VPS13D: variants seen among roughly 807,000 people sequenced by gnomAD.
VPS13D encodes the protein intermembrane lipid transfer protein VPS13D.
A neutral mutation model predicts 461.9 loss-of-function variants in VPS13D; 187 were observed. The ratio of observed to expected loss-of-function variants is 0.40; its 90% CI spans 0.36 to 0.46. The LOEUF (loss-of-function observed/expected upper bound fraction) is 0.46, where lower values mean the gene tolerates loss of function less well. Among genes scored for constraint, VPS13D ranks in the 20% least tolerant of loss-of-function variants. VPS13D has a pLI of 0.60. For synonymous variants in VPS13D, 1,951 were observed against 1,986.3 expected (o/e 0.98, Z 0.47); for missense variants, 4,711 against 5,364.9 (o/e 0.88, Z 3.81).
chr1:12,442,174 CTT>C (rs1330776553), intron 65 of VPS13D, among the ~76,000 whole-genome samples: 4 of 152,134 alleles, frequency 2.6e-5, no homozygotes, highest in African/African-American at 9.6e-5. Context: ...TAGAAATTCT[CTT>C]GTCAGATTAA....
chr1:12,471,190 A>C (rs1645558067), intron 67 of VPS13D, among the ~76,000 whole-genome samples: 1 of 152,146 alleles, frequency 6.6e-6, no homozygotes, highest in African/African-American at 2.4e-5. Flanking sequence ...AGTCCCAGCT[A>C]CTCAGGAGGC....
intron 67 of VPS13D, among the ~76,000 whole-genome samples, chr1:12,471,241 C>T (rs1373526993): frequency 6.6e-6 from 1 of 152,146 alleles, no homozygotes; most frequent in Admixed American, 6.5e-5. Context: ...GCAGAGGTTG[C>T]AGTGAGCCGA....
intron 1 of VPS13D, among the ~76,000 whole-genome samples, chr1:12,233,032 G>A (rs1054049134): frequency 1.6e-4 from 24 of 147,212 alleles, no homozygotes; most frequent in Non-Finnish European, 2.5e-4. Context: ...TTGAGATGGA[G>A]TCTCACTCTG....
intron 67 of VPS13D, among the ~76,000 whole-genome samples, chr1:12,482,082 G>A (rs973963923): frequency 1.3e-5 from 2 of 152,332 alleles, no homozygotes; most frequent in South Asian, 2.1e-4. Flanking sequence ...AAGCAAGACC[G>A]TGCTGGAGAA....
intron 2 of VPS13D, among the ~76,000 whole-genome samples, 200 bp downstream of exon 2, chr1:12,234,563 A>G (rs961071196): frequency 6.6e-6 from 1 of 152,224 alleles, no homozygotes; most frequent in Non-Finnish European, 1.5e-5. Flanking sequence ...TTAAGGAACT[A>G]TTAAATATTA....
At position 12,293,587 on chromosome 1, in the gene VPS13D, C is replaced by G; in HGVS notation, c.5916C>G (p.Ala1972=). 6.2e-7 allele frequency: 1 copy of G among 1,614,158 alleles called. No individual in the cohort carries two copies. Among genetic ancestry groups the G allele is most frequent in the Non-Finnish European group, 8.5e-7 (1 of 1,180,004 alleles). The change falls in exon 24 of 70, where the codon GCC becomes GCG. Residue 1972 remains alanine, a synonymous_variant. Coordinates refer to ENST00000620676, the MANE Select transcript of VPS13D (RefSeq NM_015378.4). ...ACATTCGCGTGAGCCTCCGGATGGC[C>G]TCTGTGCAGTATGTGCATACTCAGC... ...EHDIRVSLRM[A]SVQYVHTQRF...
At chr1:12,435,729 T>C (rs910537909) in intron 65 of VPS13D, among the ~76,000 whole-genome samples, 1 of 151,504 alleles carries the variant, frequency 6.6e-6, no homozygotes, top group East Asian at 1.9e-4. Flanking sequence ...TAGGCTTCAT[T>C]CTCGAACCTC....
At chr1:12,292,202 T>C (rs557774175) in intron 23 of VPS13D, among the ~76,000 whole-genome samples, 249 of 130,192 alleles carry the variant, frequency 1.9e-3, no homozygotes, top group African/African-American at 6.8e-3. Flanking sequence ...GAGGTTGCAG[T>C]GAGCCGGGAT....
At chr1:12,243,653 A>G (rs186257778) in intron 3 of VPS13D, among the ~76,000 whole-genome samples, 176 of 152,282 alleles carry the variant, frequency 1.2e-3, no homozygotes, top group African/African-American at 4.1e-3. Flanking sequence ...CTTGTATTCT[A>G]GGAGGCTTGG....
chr1:12,433,925 AGAGAGT>A (rs1042217359), intron 65 of VPS13D, among the ~76,000 whole-genome samples: 1 of 150,200 alleles, frequency 6.7e-6, no homozygotes, highest in Non-Finnish European at 1.5e-5. Context: ...GGGGAGAGAG[AGAGAGT>A]GAGAGAGAGA....
chr1:12,453,805 G>A (rs755204425), intron 65 of VPS13D: 2 of 152,186 alleles, frequency 1.3e-5, no homozygotes, highest in Non-Finnish European at 2.9e-5. Flanking sequence ...CTCAGAGGAA[G>A]TATTTAGTAA....
intron 2 of VPS13D, among the ~76,000 whole-genome samples, chr1:12,236,173 A>G (rs1399831849): frequency 2.6e-5 from 4 of 152,100 alleles, no homozygotes; most frequent in African/African-American, 9.7e-5. Context: ...CGCAGGGTAG[A>G]ACAATGCTTT....
chr1:12,448,609 G>T (rs1010860448), intron 65 of VPS13D, among the ~76,000 whole-genome samples: 7 of 152,130 alleles, frequency 4.6e-5, no homozygotes, highest in African/African-American at 1.7e-4. Context: ...TGGGCTTCAG[G>T]ATTCATCCTT....
chr1:12,412,866 C>T (rs1307346427), intron 63 of VPS13D, among the ~76,000 whole-genome samples: 7 of 152,046 alleles, frequency 4.6e-5, no homozygotes, highest in African/African-American at 1.7e-4. Context: ...TAAGATAAGT[C>T]ACAGAATGGA....
chr1:12,477,669 G>A (rs1437692965), intron 67 of VPS13D, among the ~76,000 whole-genome samples: 4 of 152,140 alleles, frequency 2.6e-5, no homozygotes, highest in Admixed American at 2.6e-4. Context: ...TAATGCTTGG[G>A]ACCTTCTCCT....
At chr1:12,506,819 G>A (rs778411622) in intron 68 of VPS13D, 34 bp from the exon 69 acceptor site, 74 of 1,604,168 alleles carry the variant, frequency 4.6e-5, no homozygotes, top group Non-Finnish European at 6.1e-5. Context: ...CGAAGCCCCA[G>A]GTGTCACTCC....
At chr1:12,247,191 G>A (rs572925285) in intron 5 of VPS13D, among the ~76,000 whole-genome samples, 178 of 152,244 alleles carry the variant, frequency 1.2e-3, no homozygotes, top group African/African-American at 3.9e-3. Flanking sequence ...GGGAGGCCAA[G>A]GCAGGCGGAT....
chr1:12,259,048 T>C (rs535803706), intron 10 of VPS13D, among the ~76,000 whole-genome samples: 5 of 151,618 alleles, frequency 3.3e-5, no homozygotes, highest in Admixed American at 2.0e-4. Flanking sequence ...TCTTCTTCTT[T>C]TTTTTTTTTG....
intron 65 of VPS13D, among the ~76,000 whole-genome samples, chr1:12,454,397 A>T (rs1645299631): frequency 6.6e-6 from 1 of 152,030 alleles, no homozygotes; most frequent in Non-Finnish European, 1.5e-5. Flanking sequence ...ATTAATTTTC[A>T]TTAACTTTAA....
Sources: allele counts gnomAD v4.1 joint callset (sites outside exome capture counted in the v4.1 genomes callset), GRCh38; gene constraint gnomAD v4.1.1; transcripts MANE v1.5; gene names NCBI Gene and HGNC (gene_info 2026-07-23, HGNC 2026-07-21).